The following TMEM163 variants were observed in gnomAD, a reference collection of about 807,000 sequenced individuals.
The protein encoded by TMEM163 is transmembrane protein 163.
Under a neutral mutation model 29.3 loss-of-function variants are expected in TMEM163, and 17 were observed. That is an observed-to-expected ratio of 0.58 (90% confidence interval 0.40 to 0.87). TMEM163 has a LOEUF of 0.87. Among genes scored for constraint, TMEM163 ranks in the 40% least tolerant of loss-of-function variants. The pLI, the probability that TMEM163 is intolerant of heterozygous loss-of-function variation, is 0.00. For synonymous variants in TMEM163, 157 were observed against 160.6 expected (o/e 0.98, Z 0.17); for missense variants, 303 against 381.5 (o/e 0.79, Z 1.71).
intron 5 of TMEM163, among the ~76,000 whole-genome samples, chr2:134,493,183 G>C (rs1338373876): frequency 6.6e-6 from 1 of 151,506 alleles, no homozygotes; most frequent in African/African-American, 2.4e-5. Flanking sequence ...TTTCTTATTG[G>C]GTTGTTTGCC....
chr2:134,661,925 C>CTTTTTTTTTTTT lies in TMEM163; in HGVS notation c.322+51274_322+51275insAAAAAAAAAAAA, dbSNP rs201436466. ...AAGTTTTCATGGATTCATTAATTTT[C>CTTTTTTTTTTTT]TTTCTTTTTTTTTTTTTTTTTTTTG... On this transcript the variant is annotated intron_variant, in intron 2 of 7. Coordinates refer to ENST00000281924, the MANE Select transcript of TMEM163 (RefSeq NM_030923.5). Among the ~76,000 whole-genome samples the CTTTTTTTTTTTT allele has an allele frequency of 6.1e-4, 48 of 79,062 alleles. 7 individuals carry two copies. Among genetic ancestry groups the CTTTTTTTTTTTT allele is most frequent in the African/African-American group, 1.2e-3 (21 of 16,988 alleles). 51.9% of individuals were successfully genotyped at this position (79,062 alleles called of 152,430 possible). A position where few individuals can be genotyped will look rare whatever the true frequency, so the allele number is the denominator to read the frequency against.
At chr2:134,696,385 T>C (rs1046207774) in intron 2 of TMEM163, among the ~76,000 whole-genome samples, 1 of 152,206 alleles carries the variant, frequency 6.6e-6, no homozygotes, top group African/African-American at 2.4e-5. Flanking sequence ...TGACTATTCT[T>C]AGCCCTTTAT....
chr2:134,674,412 C>T (rs1239064659), intron 2 of TMEM163, among the ~76,000 whole-genome samples: 1 of 140,760 alleles, frequency 7.1e-6, no homozygotes, highest in East Asian at 2.1e-4. Flanking sequence ...AGCACAATCT[C>T]AGCTCACTGA....
rs1686520262 is a variant in TMEM163, at chr2:134,460,915, T to C, written c.668-2742A>G. On this transcript the variant is annotated intron_variant, in intron 6 of 7. Coordinates refer to ENST00000281924, the MANE Select transcript of TMEM163 (RefSeq NM_030923.5). The surrounding 1 kb of genome is among the most constrained non-coding windows in gnomAD (Gnocchi z 4.3). ...GCTCACCTTTTGTGATGACAGAGCC[T>C]GACTCATTTCAGCTTCACTTCTTGA... Among the ~76,000 whole-genome samples, 1 of 152,236 alleles carries C rather than the reference T, an allele frequency of 6.6e-6. No homozygotes were observed. Among genetic ancestry groups the C allele is most frequent in the Non-Finnish European group, 1.5e-5 (1 of 68,040 alleles).
At chr2:134,710,533 C>T (rs1046442017) in intron 2 of TMEM163, among the ~76,000 whole-genome samples, 2 of 151,966 alleles carry the variant, frequency 1.3e-5, no homozygotes, top group African/African-American at 4.8e-5. Flanking sequence ...GACCCAACTG[C>T]CCCCCAAAAT....
intron 2 of TMEM163, among the ~76,000 whole-genome samples, chr2:134,599,014 TAAAAAA>T (rs34207224): frequency 5.4e-4 from 67 of 124,322 alleles, no homozygotes; most frequent in African/African-American, 1.6e-3. Context: ...GCCATTCCGT[TAAAAAA>T]AAAAAAAAAA....
Position 134,681,875 on chromosome 2 carries a change from T to C in TMEM163, c.322+31325A>G, listed in dbSNP as rs115633454. Among the ~76,000 whole-genome samples, 189 of 152,320 alleles carry C rather than the reference T, an allele frequency of 1.2e-3. 1 individual carries two copies. The highest frequency in any genetic ancestry group is 4.4e-3 in the African/African-American group (182 of 41,554). ...CCAAAGCACCTTGGAAGTAGGCATA[T>C]TTTCACAAATGTACATTTAGAACCC... is the stretch of plus-strand genomic sequence containing the variant. On this transcript the variant is annotated intron_variant, in intron 2 of 7. Coordinates refer to ENST00000281924, the MANE Select transcript of TMEM163 (RefSeq NM_030923.5).
intron 2 of TMEM163, among the ~76,000 whole-genome samples, chr2:134,706,044 G>A (rs1684805050): frequency 6.6e-6 from 1 of 152,214 alleles, no homozygotes; most frequent in African/African-American, 2.4e-5. Context: ...AAGGGAGGCA[G>A]GGCAGGCAGG....
At position 134,552,088 on chromosome 2, in the gene TMEM163, A is replaced by G. The variant is rs753394835; in HGVS notation, c.326T>C (p.Val109Ala). ...TLALAVAAFT[V>A]SVMRYSASAF... Reference sequence around the variant, plus strand: ...AGAGGCGCTGTACCTCATAACGGAGACAGCTAAAAAGAAAGAAAATATTAT... The same window carrying G: ...AGAGGCGCTGTACCTCATAACGGAGGCAGCTAAAAAGAAAGAAAATATTAT... The change falls in exon 3 of 8, where the codon GTC becomes GCC. Residue 109 changes from valine (V) to alanine (A), a missense_variant. Around this residue, in one of 2 missense-constraint regions of TMEM163, gnomAD observed 203 missense variants for 294.3 expected, o/e 0.69. Transcript: ENST00000281924. 1 of 1,612,206 alleles carries G rather than the reference A, an allele frequency of 6.2e-7. No homozygotes were observed. The highest frequency in any genetic ancestry group is 8.5e-7 in the Non-Finnish European group (1 of 1,178,894).
intron 2 of TMEM163, among the ~76,000 whole-genome samples, chr2:134,633,779 T>C (rs2104834219): frequency 6.6e-6 from 1 of 151,808 alleles, no homozygotes; most frequent in South Asian, 2.1e-4. Context: ...CTGGCCAACA[T>C]GGCAAAACCT....
At chr2:134,621,116 G>T (rs768649576) in intron 2 of TMEM163, among the ~76,000 whole-genome samples, 2 of 151,978 alleles carry the variant, frequency 1.3e-5, no homozygotes, top group Non-Finnish European at 2.9e-5. Flanking sequence ...TATATCCCTC[G>T]TATCATTCAA....
intron 2 of TMEM163, among the ~76,000 whole-genome samples, chr2:134,710,555 A>C (rs1266834277): frequency 1.3e-5 from 2 of 152,158 alleles, no homozygotes; most frequent in Non-Finnish European, 1.5e-5. Flanking sequence ...GTAATTGTTT[A>C]TAAAATAAAT....
At chr2:134,568,486 A>G (rs1437730610) in intron 2 of TMEM163, among the ~76,000 whole-genome samples, 1 of 151,942 alleles carries the variant, frequency 6.6e-6, no homozygotes, top group Non-Finnish European at 1.5e-5. Flanking sequence ...GAGATAGCAC[A>G]CTGCACTCCA....
chr2:134,501,018 A>G (rs998783203), intron 5 of TMEM163, among the ~76,000 whole-genome samples: 2 of 152,224 alleles, frequency 1.3e-5, no homozygotes, highest in African/African-American at 2.4e-5. Context: ...CAGAAATAAT[A>G]AATGTTTGAG....
intron 5 of TMEM163, among the ~76,000 whole-genome samples, chr2:134,494,052 GA>G (rs1055399501): frequency 1.2e-4 from 19 of 152,234 alleles, no homozygotes; most frequent in Admixed American, 7.2e-4. Context: ...AGGCACTGAT[GA>G]AAAAGGATTG....
At chr2:134,653,952 G>C (rs1272784331) in intron 2 of TMEM163, among the ~76,000 whole-genome samples, 1 of 118,620 alleles carries the variant, frequency 8.4e-6, no homozygotes, top group Non-Finnish European at 1.7e-5. Flanking sequence ...TTGCTGAGGA[G>C]AGCTTTACTT....
intron 2 of TMEM163, among the ~76,000 whole-genome samples, chr2:134,680,154 T>G (rs780632899): frequency 1.3e-5 from 2 of 152,340 alleles, no homozygotes; most frequent in South Asian, 2.1e-4. Context: ...AATGGCTGCA[T>G]GAGAAAAGAA....
chr2:134,483,214 G>A (rs977067715), intron 5 of TMEM163, among the ~76,000 whole-genome samples: 2 of 152,254 alleles, frequency 1.3e-5, no homozygotes, highest in Non-Finnish European at 1.5e-5. Context: ...GAGTCTCGGG[G>A]ACAAGCCCTC....
At chr2:134,563,643 G>A (rs1358713464) in intron 2 of TMEM163, among the ~76,000 whole-genome samples, 3 of 152,160 alleles carry the variant, frequency 2.0e-5, no homozygotes, top group Non-Finnish European at 4.4e-5. Context: ...AATATATGAA[G>A]AAACATACCA....
Sources: gnomAD v4.1 joint callset for allele counts (sites outside exome capture counted in the v4.1 genomes callset) on GRCh38, gnomAD v4.1.1 for gene constraint, gnomAD v4.1.1 regional missense constraint, Gnocchi (gnomAD v3.1) non-coding constraint, MANE v1.5 for transcripts, NCBI Gene and HGNC (gene_info 2026-07-23, HGNC 2026-07-21) for gene names.